Variants in FAT1 observed in about 807,000 individuals in gnomAD.
The protein encoded by FAT1 is protocadherin Fat 1.
Under a neutral mutation model 329.8 loss-of-function variants are expected in FAT1, and 171 were observed. The observed-to-expected ratio is 0.52, with a 90% CI of 0.46 to 0.59. FAT1 has a LOEUF of 0.59. FAT1 is among the 20% of genes least tolerant of loss of function. FAT1 has a pLI of 0.00. For synonymous variants in FAT1, 2,233 were observed against 2,228.6 expected, an observed-to-expected ratio of 1.00 and a Z score of -0.06; for missense variants, 5,672 against 5,774.4, an observed-to-expected ratio of 0.98 and a Z score of 0.57.
Position 186,598,161 on chromosome 4 carries a change from C to T in FAT1, c.12104-36G>A, listed in dbSNP as rs375987791. 5.8e-6 allele frequency: 9 copies of T among 1,559,456 alleles called. No individual in the cohort carries two copies. In the Admixed American group the frequency reaches 5.9e-5, roughly 10 times the overall value. On this transcript the variant is annotated intron_variant, in intron 22 of 26. Coordinates refer to ENST00000441802, the MANE Select transcript of FAT1 (RefSeq NM_005245.4). ...AAAAAGGAACAAAAAAGTCCTATCACTCAATGACTCAGAAACCTGGTCTTA... is the reference window on the plus strand; with the variant it reads ...AAAAAGGAACAAAAAAGTCCTATCATTCAATGACTCAGAAACCTGGTCTTA...
intron 3 of FAT1, among the ~76,000 whole-genome samples, chr4:186,642,184 C>G (rs891049434): frequency 6.6e-6 from 1 of 152,176 alleles, no homozygotes; most frequent in East Asian, 1.9e-4. Flanking sequence ...CTTTCCACTT[C>G]AGCCTGAGTC....
chr4:186,684,514 A>G (rs1481105709), intron 2 of FAT1, among the ~76,000 whole-genome samples: 1 of 152,172 alleles, frequency 6.6e-6, no homozygotes, highest in Non-Finnish European at 1.5e-5. Flanking sequence ...ATGCACAGAA[A>G]ATGGAACTGA....
chr4:186,609,074 T>G (rs1739270900), intron 16 of FAT1, 109 bp downstream of exon 16: 7 of 1,244,940 alleles, frequency 5.6e-6, no homozygotes, highest in Non-Finnish European at 7.7e-6. Context: ...CGTCAGTTCT[T>G]GAGGCGGTCA....
intron 3 of FAT1, among the ~76,000 whole-genome samples, chr4:186,644,517 T>A (rs1014235649): frequency 7.4e-6 from 1 of 135,692 alleles, no homozygotes; most frequent in Non-Finnish European, 1.7e-5. Flanking sequence ...TTCTCACCAA[T>A]GAGCAGTTAC....
intron 3 of FAT1, among the ~76,000 whole-genome samples, chr4:186,644,882 C>G (rs184529945): frequency 6.6e-6 from 1 of 152,206 alleles, no homozygotes; most frequent in Non-Finnish European, 1.5e-5. Context: ...CTGTGTTGTA[C>G]TGTCCACTCA....
At chr4:186,592,579 AC>A in intron 26 of FAT1, 6 of 416,732 alleles carry the variant, frequency 1.4e-5, no homozygotes, top group South Asian at 8.8e-5. Context: ...AAAGGACTCA[AC>A]CCCCTCAAAA....
chr4:186,695,337 A>T (rs975638713), intron 2 of FAT1, among the ~76,000 whole-genome samples: 9 of 152,216 alleles, frequency 5.9e-5, no homozygotes, highest in African/African-American at 2.2e-4. Flanking sequence ...CAGAATCTAG[A>T]TACTCAATCT....
chr4:186,645,968 T>TAC (rs371987938), intron 3 of FAT1, among the ~76,000 whole-genome samples: 5,604 of 105,166 alleles, frequency 0.053, 358 homozygotes, highest in African/African-American at 0.12. Context: ...AAAAAATATA[T>TAC]ACACACACAC....
rs776567214 is a variant in FAT1 at position 186,618,853 on chromosome 4, G to C, written c.7733C>G (p.Ala2578Gly). Residue 2578 changes from alanine (A) to glycine (G), a missense_variant, in exon 10 of 27, where the codon GCT becomes GGT. Around this residue, in one of 2 missense-constraint regions of FAT1, gnomAD observed 3,966 missense variants for 3,915.2 expected, o/e 1.01. Transcript: ENST00000441802. Reference protein sequence around the residue: ...LMAKDAGGKVAFCTVNVILTD... With the variant: ...LMAKDAGGKVGFCTVNVILTD... ...AAGGATGACATTCACGGTGCAGAAA[G>C]CAACTTTTCCTCCAGCATCCTTAGC... is the stretch of plus-strand genomic sequence containing the variant. 6.2e-6 allele frequency: 10 copies of C among 1,613,966 alleles called. No individual in the cohort carries two copies. In the South Asian group the frequency reaches 8.8e-5, roughly 14 times the overall value.
At chr4:186,682,896 T>C (rs765280544) in intron 2 of FAT1, among the ~76,000 whole-genome samples, 12 of 152,144 alleles carry the variant, frequency 7.9e-5, no homozygotes, top group Non-Finnish European at 1.6e-4. Flanking sequence ...AGCAGGACAG[T>C]CAGCAGCAGG....
In FAT1 at chr4:186,606,079, G is replaced by T; in HGVS notation, c.10341C>A (p.Val3447=). 1.2e-6 allele frequency: 2 copies of T among 1,613,054 alleles called. No homozygotes were observed. Among genetic ancestry groups the T allele is most frequent in the Non-Finnish European group, 1.7e-6 (2 of 1,179,782 alleles). Residue 3447 remains valine, a synonymous_variant, in exon 17 of 27, where the codon GTC becomes GTA. Transcript: ENST00000441802. ...APVFSRGNYS[V]IIQENKPVGF... ...GGCACTCGAAGCCCACCTGGATAAT[G>T]ACACTGTAGTTTCCCCTGGAGAAGA...
Position 186,709,842 on chromosome 4 carries a change from G to T in FAT1, c.-15C>A. The stretch of plus-strand genomic sequence containing the variant: ...TGTCTCCCCATTGCTTAACTGTCGG[G>T]AATCTGAAACAGAAGAAATCAGAAT... On this transcript the variant is annotated 5_prime_UTR_variant, in exon 2 of 27. Coordinates refer to ENST00000441802, the MANE Select transcript of FAT1 (RefSeq NM_005245.4). The T allele has an allele frequency of 6.3e-7, 1 of 1,578,572 alleles. No individual in the cohort carries two copies. The highest frequency in any genetic ancestry group is 8.6e-7 in the Non-Finnish European group (1 of 1,158,602).
chr4:186,626,482 A>C (rs1740309713), intron 9 of FAT1, among the ~76,000 whole-genome samples: 1 of 112,008 alleles, frequency 8.9e-6, no homozygotes, highest in Admixed American at 8.8e-5. Flanking sequence ...CTCGCACATA[A>C]ACTGAGCTTC....
At chr4:186,688,005 C>T (rs1282447041) in intron 2 of FAT1, among the ~76,000 whole-genome samples, 1 of 151,634 alleles carries the variant, frequency 6.6e-6, no homozygotes, top group Non-Finnish European at 1.5e-5. Context: ...TTTACATTTT[C>T]CCAGGCTTCT....
Position 186,618,569 on chromosome 4 carries a change from C to T in FAT1, c.8017G>A (p.Val2673Ile), listed in dbSNP as rs761568319. The part of the protein sequence containing the change: ...GLENEFFTFF[V>I]RAVDNGSPSK... ...GGAGACCCATTATCCACAGCTCTAA[C>T]AAAGAAAGTGAAGAATTCATTTTCC... Residue 2673 changes from valine to isoleucine, a missense_variant, in exon 10 of 27, where the codon GTT becomes ATT. By Grantham distance (29) the Val-to-Ile change is conservative. Around this residue, in one of 2 missense-constraint regions of FAT1, gnomAD observed 3,966 missense variants for 3,915.2 expected, o/e 1.01. Transcript: ENST00000441802. 1 of 1,614,030 alleles carries T rather than the reference C, an allele frequency of 6.2e-7. No homozygotes were observed. The highest frequency in any genetic ancestry group is 8.5e-7 in the Non-Finnish European group (1 of 1,179,890).
chr4:186,718,150 A>G (rs1026727703), intron 1 of FAT1, among the ~76,000 whole-genome samples: 8 of 152,178 alleles, frequency 5.3e-5, no homozygotes, highest in African/African-American at 1.7e-4. Context: ...TTCCATGTAC[A>G]GCAAGAAAAC....
In FAT1 at chr4:186,709,055, G is replaced by A; in HGVS notation, c.773C>T (p.Thr258Ile). 6.2e-7 allele frequency: 1 copy of A among 1,613,976 alleles called. No homozygotes were observed. Among genetic ancestry groups the A allele is most frequent in the South Asian group, 1.1e-5 (1 of 91,082 alleles). ...TTCTGATGGTGACAATGTCACTGCT[G>A]TTATCACCGGAGCACATTCATTGGC... Reference protein sequence around the residue: ...EQANECAPVITAVTLSPSELD... With the variant: ...EQANECAPVIIAVTLSPSELD... The change falls in exon 2 of 27, where the codon ACA (threonine) becomes ATA (isoleucine). Residue 258 changes from threonine to isoleucine, a missense_variant. Coordinates refer to ENST00000441802, the MANE Select transcript of FAT1 (RefSeq NM_005245.4).
intron 25 of FAT1, 31 bp from the exon 26 acceptor site, chr4:186,595,857 A>T: frequency 6.2e-7 from 1 of 1,612,762 alleles, no homozygotes; most frequent in Non-Finnish European, 8.5e-7. Context: ...CAGTAAGTAT[A>T]TGGGCCAAGA....
chr4:186,608,461 G>T (rs1230130250), intron 16 of FAT1, among the ~76,000 whole-genome samples: 1 of 152,064 alleles, frequency 6.6e-6, no homozygotes, highest in African/African-American at 2.4e-5. Flanking sequence ...GCCCAGGCTG[G>T]TCTTCAACTC....
Sources: gnomAD v4.1 joint callset for allele counts (sites outside exome capture counted in the v4.1 genomes callset) on GRCh38, gnomAD v4.1.1 for gene constraint, gnomAD v4.1.1 regional missense constraint, MANE v1.5 for transcripts, NCBI Gene and HGNC (gene_info 2026-07-23, HGNC 2026-07-21) for gene names.